Variants in SGK1 observed in about 807,000 individuals in gnomAD.
SGK1 encodes serum/glucocorticoid regulated kinase 1.
Under a neutral mutation model 64.2 loss-of-function variants are expected in SGK1, and 26 were observed. That is an observed-to-expected ratio of 0.40 (90% CI 0.30 to 0.56). The LOEUF (loss-of-function observed/expected upper bound fraction) is 0.56, where lower values mean the gene tolerates loss of function less well. SGK1 is among the 20% of genes least tolerant of loss of function. The probability of loss-of-function intolerance (pLI) is 0.38; values close to 1 mark genes in which losing one functional copy is unlikely to be tolerated. For missense variants in SGK1, 519 were observed against 645.6 expected, an observed-to-expected ratio of 0.80 and a Z score of 2.12; for synonymous variants, 265 against 239.7, an observed-to-expected ratio of 1.11 and a Z score of -0.98.
intron 1 of SGK1, chr6:134,297,907 G>A (rs957468771): frequency 2.7e-5 from 22 of 808,296 alleles, no homozygotes; most frequent in Non-Finnish European, 3.7e-5. Context: ...CTCCGGCTGC[G>A]GTTGGTGATC....
chr6:134,239,708 G>T (rs1027332531), intron 2 of SGK1, among the ~76,000 whole-genome samples: 4 of 152,170 alleles, frequency 2.6e-5, no homozygotes, highest in Non-Finnish European at 5.9e-5. Flanking sequence ...AGGGGACAAG[G>T]TTGCACTCAA....
intron 2 of SGK1, 87 bp downstream of exon 2, chr6:134,261,846 T>C (rs1176593797): frequency 1.1e-6 from 1 of 942,658 alleles, no homozygotes; most frequent in East Asian, 2.4e-5. Flanking sequence ...AAAAATTATT[T>C]TTTGGGTATA....
At chr6:134,298,305 T>G in intron 1 of SGK1, 5 of 1,564,940 alleles carry the variant, frequency 3.2e-6, no homozygotes, top group Non-Finnish European at 4.4e-6. Flanking sequence ...TGCTCCAAGC[T>G]GTCTTCTGCT....
At chr6:134,172,058 G>T in intron 10 of SGK1, 135 bp downstream of exon 10, 1 of 983,720 alleles carries the variant, frequency 1.0e-6, no homozygotes, top group Non-Finnish European at 1.5e-6. Flanking sequence ...AACAGCAAAT[G>T]TATTTTATTT....
At chr6:134,213,309 G>T (rs1775921921) in intron 2 of SGK1, among the ~76,000 whole-genome samples, 1 of 152,026 alleles carries the variant, frequency 6.6e-6, no homozygotes, top group African/African-American at 2.4e-5. Context: ...ATCTCCTGAG[G>T]TCAGGAGTTT....
At position 134,248,875 on chromosome 6, in the gene SGK1, TC is replaced by T. The variant is rs1480268070; in HGVS notation, c.285+13057del. Among the ~76,000 whole-genome samples, 10 of 152,274 alleles carry T rather than the reference TC, an allele frequency of 6.6e-5. No homozygotes were observed. The South Asian group carries it at 1.7e-3, about 25-fold the overall frequency. ...AGTGCTTCCTCTCCCTTTCTTTTTA[TC>T]CCCCTCTCCCTTCAACTACTATTCT... On this transcript the variant is annotated intron_variant, in intron 2 of 13. Coordinates refer to ENST00000367858, the MANE Select transcript of SGK1 (RefSeq NM_001143676.3).
intron 3 of SGK1, among the ~76,000 whole-genome samples, chr6:134,183,921 C>G (rs895125529): frequency 1.5e-5 from 2 of 136,792 alleles, no homozygotes; most frequent in Non-Finnish European, 1.5e-5. Flanking sequence ...ATTTAAATCT[C>G]AGGTGTTTCT....
chr6:134,297,286 C>T (rs917344755), intron 1 of SGK1: 3 of 1,274,022 alleles, frequency 2.4e-6, no homozygotes, highest in African/African-American at 1.5e-5. Flanking sequence ...GCCAGCTTGA[C>T]GTTCATCAGC....
At chr6:134,207,228 GA>G in intron 3 of SGK1, 127 bp downstream of exon 3, 1 of 663,256 alleles carries the variant, frequency 1.5e-6, no homozygotes, top group Non-Finnish European at 2.6e-6. Flanking sequence ...TCTGTCTCAA[GA>G]AAAACAAAAA....
At chr6:134,225,008 CAAAAA>C (rs779785039) in intron 2 of SGK1, among the ~76,000 whole-genome samples, 1 of 39,810 alleles carries the variant, frequency 2.5e-5, no homozygotes, top group African/African-American at 8.2e-5. Context: ...GACTCCATCT[CAAAAA>C]AAAAAAAAAA....
chr6:134,244,560 C>T (rs936413017), intron 2 of SGK1, among the ~76,000 whole-genome samples: 5 of 152,140 alleles, frequency 3.3e-5, no homozygotes, highest in African/African-American at 9.7e-5. Context: ...CCCTTGGCTA[C>T]GGGAGAGAGT....
intron 1 of SGK1, among the ~76,000 whole-genome samples, chr6:134,292,275 G>A (rs1777278506): frequency 6.6e-6 from 1 of 152,130 alleles, no homozygotes; most frequent in South Asian, 2.1e-4. Flanking sequence ...TCATTACTCT[G>A]CACAAATGGA....
chr6:134,308,980 A>G (rs1777573962), intron 1 of SGK1, among the ~76,000 whole-genome samples: 1 of 152,228 alleles, frequency 6.6e-6, no homozygotes, highest in South Asian at 2.1e-4. Flanking sequence ...CCACATGACC[A>G]GTCATTTCCC....
At chr6:134,316,772 A>C (rs13220587) in intron 1 of SGK1, among the ~76,000 whole-genome samples, 1 of 116,330 alleles carries the variant, frequency 8.6e-6, no homozygotes, top group African/African-American at 3.2e-5. Flanking sequence ...AAAAAAAAAA[A>C]GGCAGTTATT....
chr6:134,187,353 G>A (rs9493850), intron 3 of SGK1, among the ~76,000 whole-genome samples: 83,923 of 151,742 alleles, frequency 0.55, 23,939 homozygotes, highest in African/African-American at 0.63. Flanking sequence ...TCATAAAGTC[G>A]TGGGAACAGA....
At chr6:134,224,353 A>G (rs964888405) in intron 2 of SGK1, among the ~76,000 whole-genome samples, 1 of 152,188 alleles carries the variant, frequency 6.6e-6, no homozygotes, top group South Asian at 2.1e-4. Context: ...TCTATATAAC[A>G]TGTGGAGAAG....
At chr6:134,171,347 C>T (rs908114220) in intron 11 of SGK1, 169 bp from the exon 12 acceptor site, 68 of 682,130 alleles carry the variant, frequency 1.0e-4, no homozygotes, top group Admixed American at 8.1e-4. Context: ...CTTTGCAACC[C>T]GTGTGTGTGT....
At chr6:134,190,498 C>T (rs916274416) in intron 3 of SGK1, among the ~76,000 whole-genome samples, 27 of 152,070 alleles carry the variant, frequency 1.8e-4, no homozygotes, top group Admixed American at 1.8e-3. Flanking sequence ...ATTGGCTACA[C>T]TGGTCTTGAA....
intron 3 of SGK1, among the ~76,000 whole-genome samples, chr6:134,207,119 G>A (rs1285454781): frequency 2.6e-5 from 4 of 151,986 alleles, no homozygotes; most frequent in African/African-American, 4.8e-5. Flanking sequence ...CCAGCTACTC[G>A]GGAGGCTGAG....
Sources: gnomAD v4.1 joint callset for allele counts (sites outside exome capture counted in the v4.1 genomes callset) on GRCh38, gnomAD v4.1.1 for gene constraint, MANE v1.5 for transcripts, NCBI Gene and HGNC (gene_info 2026-07-23, HGNC 2026-07-21) for gene names.